Variants in CREB5 observed in about 807,000 individuals in gnomAD.
The protein encoded by CREB5 is cAMP responsive element binding protein 5.
CREB5 carries 19 observed loss-of-function variants against 57.1 expected under a neutral mutation model. The observed-to-expected ratio is 0.33, with a 90% confidence interval of 0.23 to 0.49. The LOEUF (loss-of-function observed/expected upper bound fraction) is 0.49, where lower values mean the gene tolerates loss of function less well. Ranked by LOEUF, CREB5 falls within the 20% of genes least tolerant of loss-of-function variation. The pLI is 0.99. For synonymous variants in CREB5, 238 were observed against 238.3 expected (o/e 1.00, Z 0.01); for missense variants, 579 against 671.6 (o/e 0.86, Z 1.52).
chr7:28,766,109 T>C (rs1805964320), intron 7 of CREB5, among the ~76,000 whole-genome samples: 1 of 152,194 alleles, frequency 6.6e-6, no homozygotes, highest in African/African-American at 2.4e-5. Flanking sequence ...AGATAATATT[T>C]GTATGTTCCT....
intron 1 of CREB5, among the ~76,000 whole-genome samples, chr7:28,338,424 G>A (rs10245883): frequency 0.58 from 88,264 of 151,954 alleles, 25,758 homozygotes; most frequent in East Asian, 0.67. Context: ...TTCCTTTAGC[G>A]TTTTAAATAT....
intron 5 of CREB5, among the ~76,000 whole-genome samples, chr7:28,571,705 C>T (rs759272270): frequency 6.6e-6 from 1 of 152,192 alleles, no homozygotes; most frequent in Non-Finnish European, 1.5e-5. Context: ...CGCAGAATCT[C>T]TGGCCCAGCT....
Position 28,353,609 on chromosome 7 carries a change from C to T in CREB5, c.-25+54168C>T, listed in dbSNP as rs549929632. On this transcript the variant is annotated intron_variant, in intron 1 of 9. Transcript: ENST00000396299. ...CTGTAATCCCAGCACTTTGGGAGGC[C>T]GAGGCGGGCAGATCACGAGGTCAGG... Among the ~76,000 whole-genome samples, 566 of 151,934 alleles carry T rather than the reference C, an allele frequency of 3.7e-3. 3 individuals are homozygous for T. Among genetic ancestry groups the T allele is most frequent in the Non-Finnish European group, 3.6e-3 (246 of 67,948 alleles).
intron 1 of CREB5, among the ~76,000 whole-genome samples, chr7:28,459,848 A>G (rs1393029417): frequency 2.0e-5 from 3 of 152,194 alleles, no homozygotes; most frequent in Non-Finnish European, 4.4e-5. Flanking sequence ...CATGCTTCAT[A>G]TATATTATCT....
intron 1 of CREB5, among the ~76,000 whole-genome samples, chr7:28,444,621 G>T (rs1220983779): frequency 1.3e-5 from 2 of 152,138 alleles, no homozygotes; most frequent in Non-Finnish European, 2.9e-5. Context: ...AAGAAAAGAA[G>T]CCTGACTTGG....
At position 28,788,805 on chromosome 7, in the gene CREB5, G is replaced by A. The variant is rs564895892; in HGVS notation, c.703-15394G>A. Reference sequence around the variant, plus strand: ...CTGCCATTACCCTAGCTGAAGTGAAGCCAGGTTAAAACCCTCTTCTGGTTT... The same window carrying A: ...CTGCCATTACCCTAGCTGAAGTGAAACCAGGTTAAAACCCTCTTCTGGTTT... On this transcript the variant is annotated intron_variant, in intron 7 of 10. Coordinates refer to ENST00000357727, the MANE Select transcript of CREB5 (RefSeq NM_182898.4). Among the ~76,000 whole-genome samples the A allele has an allele frequency of 6.8e-5, 10 of 146,600 alleles. No homozygotes were observed. The South Asian group carries it at 2.2e-3, about 32-fold the overall frequency.
intron 5 of CREB5, among the ~76,000 whole-genome samples, chr7:28,675,452 A>G (rs1239212163): frequency 6.6e-6 from 1 of 152,174 alleles, no homozygotes; most frequent in Non-Finnish European, 1.5e-5. Context: ...ATATGAAATA[A>G]GGAAAATTTG....
chr7:28,453,958 C>CTTTTTT (rs70977045), intron 1 of CREB5, among the ~76,000 whole-genome samples: 5 of 132,576 alleles, frequency 3.8e-5, no homozygotes, highest in South Asian at 2.4e-4. Flanking sequence ...CTCTCCAATT[C>CTTTTTT]TTTTTTTTTT....
At chr7:28,444,336 C>T (rs774676396) in intron 1 of CREB5, among the ~76,000 whole-genome samples, 14 of 152,122 alleles carry the variant, frequency 9.2e-5, no homozygotes, top group Non-Finnish European at 1.6e-4. Context: ...AGGTCTCCTG[C>T]GGCCCACAGG....
intron 4 of CREB5, among the ~76,000 whole-genome samples, chr7:28,532,575 C>T (rs990926396): frequency 6.6e-6 from 1 of 152,096 alleles, no homozygotes; most frequent in Non-Finnish European, 1.5e-5. Context: ...CCTCGGGTCT[C>T]GTGGATCGGA....
intron 4 of CREB5, among the ~76,000 whole-genome samples, chr7:28,551,973 C>CTTTCTCTCTCTTTCTCTCT (rs1562791358): frequency 5.4e-5 from 6 of 111,554 alleles, no homozygotes; most frequent in African/African-American, 2.7e-4. Context: ...TTTATTCTCT[C>CTTTCTCTCTCTTTCTCTCT]TTTCTCTCTC....
Position 28,446,515 on chromosome 7 carries a change from G to A in CREB5, c.3+33598G>A, listed in dbSNP as rs535208879. Among the ~76,000 whole-genome samples, 482 of 152,202 alleles carry A rather than the reference G, an allele frequency of 3.2e-3. 3 individuals are homozygous for A. The highest frequency in any genetic ancestry group is 0.011 in the African/African-American group (453 of 41,510). ...TTTATAAAATAATAATTGTAGGTCC[G>A]GGCGTGGTGGCTCACACCTGTAATC... On this transcript the variant is annotated intron_variant, in intron 1 of 10. Coordinates refer to ENST00000357727, the MANE Select transcript of CREB5 (RefSeq NM_182898.4).
chr7:28,791,887 T>G (rs985684773), intron 7 of CREB5, among the ~76,000 whole-genome samples: 1 of 152,182 alleles, frequency 6.6e-6, no homozygotes, highest in Non-Finnish European at 1.5e-5. Flanking sequence ...CCCCATTACT[T>G]GTGTTGTAGG....
intron 8 of CREB5, among the ~76,000 whole-genome samples, chr7:28,806,781 G>T (rs1808753799): frequency 6.6e-6 from 1 of 152,182 alleles, no homozygotes; most frequent in Admixed American, 6.5e-5. Context: ...AGTATCATGG[G>T]TTACAGGTTG....
chr7:28,357,243 A>G (rs1371768256), intron 1 of CREB5, among the ~76,000 whole-genome samples: 1 of 152,220 alleles, frequency 6.6e-6, no homozygotes, highest in African/African-American at 2.4e-5. Context: ...TTTCTTCAGC[A>G]TGGATCTAGA....
intron 1 of CREB5, among the ~76,000 whole-genome samples, chr7:28,473,503 G>T (rs1240824667): frequency 2.0e-5 from 3 of 152,176 alleles, no homozygotes; most frequent in African/African-American, 4.8e-5. Context: ...GGTAAGCTCT[G>T]TGAGAACAGA....
At position 28,379,551 on chromosome 7, in the gene CREB5, A is replaced by T. The variant is rs1786916986; in HGVS notation, c.-25+80110A>T. ...CTCTCAGGAGTTGTGGAGAAAGCCA[A>T]GGCTCTGCTCTCACAGATCCAGGGC... On this transcript the variant is annotated intron_variant, in intron 1 of 9. Transcript: ENST00000396299. 6.6e-5 allele frequency among the ~76,000 whole-genome samples: 10 copies of T among 152,266 alleles called. No homozygotes were observed. The South Asian group carries it at 2.1e-3, about 32-fold the overall frequency.
intron 1 of CREB5, among the ~76,000 whole-genome samples, chr7:28,484,387 A>G (rs1791474316): frequency 6.6e-6 from 1 of 152,240 alleles, no homozygotes; most frequent in Admixed American, 6.5e-5. Flanking sequence ...AATAAAGCCT[A>G]CATGGTAGAG....
intron 5 of CREB5, among the ~76,000 whole-genome samples, chr7:28,628,279 A>T (rs1297475227): frequency 1.3e-5 from 2 of 152,024 alleles, no homozygotes; most frequent in Non-Finnish European, 2.9e-5. Flanking sequence ...AAGACTGAGC[A>T]GGTTTCCTGA....
Sources: gnomAD v4.1 joint callset for allele counts (sites outside exome capture counted in the v4.1 genomes callset) on GRCh38, gnomAD v4.1.1 for gene constraint, MANE v1.5 for transcripts, NCBI Gene and HGNC (gene_info 2026-07-23, HGNC 2026-07-21) for gene names.